Variants in LCT observed in about 807,000 individuals in gnomAD.
The protein encoded by LCT is lactase.
In LCT, 90 loss-of-function variants were observed where a neutral mutation model predicts 173.0. The ratio of observed to expected loss-of-function variants is 0.52; its 90% CI spans 0.44 to 0.62. The LOEUF (loss-of-function observed/expected upper bound fraction) is 0.62, where lower values mean the gene tolerates loss of function less well. Ranked by LOEUF, LCT falls within the 20% of genes least tolerant of loss-of-function variation. LCT has a pLI of 0.00. For synonymous variants in LCT, 853 were observed against 957.6 expected (o/e 0.89, Z 2.02); for missense variants, 1,864 against 2,431.4 (o/e 0.77, Z 4.91).
intron 3 of LCT, among the ~76,000 whole-genome samples, chr2:135,827,544 A>G (rs532900842): frequency 6.6e-6 from 1 of 152,080 alleles, no homozygotes; most frequent in Non-Finnish European, 1.5e-5. Context: ...CGTGGAAGAC[A>G]ATTTTTCCAC....
intron 11 of LCT, among the ~76,000 whole-genome samples, chr2:135,803,216 A>T (rs1184088090): frequency 2.6e-5 from 4 of 152,244 alleles, no homozygotes; most frequent in Non-Finnish European, 4.4e-5. Context: ...CAAAGAAATG[A>T]TGAATGTTTG....
In LCT at chr2:135,818,059, A is replaced by T; in HGVS notation, c.989T>A (p.Met330Lys). Reference sequence around the variant, plus strand: ...CAGGCTGCCAGTCAGAGAACAAGACATGCTGCAGGATTGAAGGGACAAAAA... The same window carrying T: ...CAGGCTGCCAGTCAGAGAACAAGACTTGCTGCAGGATTGAAGGGACAAAAA... ...LSCSSSSKKS[M>K]SCSLTGSLAL... The change falls in exon 6 of 17, where the codon ATG becomes AAG. Residue 330 changes from methionine to lysine, a missense_variant and splice_region_variant. Transcript: ENST00000264162. 2 of 1,613,256 alleles carry T rather than the reference A, an allele frequency of 1.2e-6. No homozygotes were observed. The highest frequency in any genetic ancestry group is 8.5e-7 in the Non-Finnish European group (1 of 1,180,016).
At chr2:135,821,983 T>C in intron 5 of LCT, 37 bp downstream of exon 5, 2 of 1,123,162 alleles carry the variant, frequency 1.8e-6, no homozygotes, top group Non-Finnish European at 1.4e-6. Context: ...TCTACAAATA[T>C]CAGTTATTGA....
At chr2:135,827,169 G>A (rs1192286761) in intron 3 of LCT, among the ~76,000 whole-genome samples, 1 of 152,102 alleles carries the variant, frequency 6.6e-6, no homozygotes, top group Non-Finnish European at 1.5e-5. Context: ...AGTAGAGACG[G>A]GGTTTCGCCA....
chr2:135,823,763 C>A, intron 4 of LCT, 138 bp downstream of exon 4: 1 of 714,716 alleles, frequency 1.4e-6, no homozygotes, highest in South Asian at 1.5e-5. Context: ...GTACACTAAC[C>A]CAGTCTGGGG....
At position 135,808,956 on chromosome 2, in the gene LCT, G is replaced by A. The variant is rs1468490275; in HGVS notation, c.3391C>T (p.Pro1131Ser). Residue 1131 changes from proline to serine, a missense_variant, in exon 8 of 17, where the codon CCC becomes TCC. Transcript: ENST00000264162. ...TCTCTGGGGACCCCTGGTGACTTGGGCTCTGCCCAGTGTGTACTGAGGCTC... is the reference window on the plus strand; with the variant it reads ...TCTCTGGGGACCCCTGGTGACTTGGACTCTGCCCAGTGTGTACTGAGGCTC... ...SLSLSTHWAE[P>S]KSPGVPRDVE... 1 of 1,613,972 alleles carries A rather than the reference G, an allele frequency of 6.2e-7. No homozygotes were observed. The highest frequency in any genetic ancestry group is 1.1e-5 in the South Asian group (1 of 91,060).
intron 12 of LCT, among the ~76,000 whole-genome samples, chr2:135,799,416 C>T (rs1326165871): frequency 2.0e-5 from 3 of 151,968 alleles, no homozygotes; most frequent in Non-Finnish European, 4.4e-5. Flanking sequence ...TCTTTTCCTT[C>T]TCTCCTCTTG....
Position 135,788,543 on chromosome 2 carries a change from A to ATCTAGGAGAGTGTGACACAGGGTGGT in LCT, c.5564-25_5564dup (p.Asp1855GlufsTer9). 1 of 1,594,460 alleles carries ATCTAGGAGAGTGTGACACAGGGTGGT rather than the reference A, an allele frequency of 6.3e-7. No homozygotes were observed. The highest frequency in any genetic ancestry group is 2.2e-4 in the Middle Eastern group (1 of 4,474). ...TCACGGGGCTGATGGTGGGTCCAGC[A>ATCTAGGAGAGTGTGACACAGGGTGGT]TCTAGGAGAGTGTGACACAGGGTGG... On this transcript the variant is annotated stop_gained and frameshift_variant and splice_region_variant, in exon 17 of 17. Coordinates refer to ENST00000264162, the MANE Select transcript of LCT (RefSeq NM_002299.4). LOFTEE classifies it low-confidence loss of function (END_TRUNC).
chr2:135,812,335 G>T lies in LCT; in HGVS notation c.2329C>A (p.Gln777Lys), dbSNP rs778525239. Reference sequence around the variant, plus strand: ...CCCTTGAGCACCTCATTGATATATTGATTGAAGTAGTCTACTCTTAAGGAA... The same window carrying T: ...CCCTTGAGCACCTCATTGATATATTTATTGAAGTAGTCTACTCTTAAGGAA... ...DDSLRVDYFNQYINEVLKAIK... is the reference protein window; with the variant it reads ...DDSLRVDYFNKYINEVLKAIK... Residue 777 changes from glutamine (Q) to lysine (K), a missense_variant, in exon 7 of 17, where the codon CAA becomes AAA. Physicochemically the swap from Gln to Lys is moderately conservative, Grantham distance 53. This residue lies in a region of LCT where 755 missense variants were observed against 926.3 expected (regional missense o/e 0.82). Transcript: ENST00000264162. 5 of 1,613,654 alleles carry T rather than the reference G, an allele frequency of 3.1e-6. No individual in the cohort carries two copies. The South Asian group carries it at 5.5e-5, about 18-fold the overall frequency.
In LCT at chr2:135,836,879, G is replaced by A. The variant is rs751958334; in HGVS notation, c.291C>T (p.Leu97=). The A allele has an allele frequency of 1.2e-6, 2 of 1,614,066 alleles. No individual in the cohort carries two copies. Among genetic ancestry groups the A allele is most frequent in the Non-Finnish European group, 1.7e-6 (2 of 1,180,046 alleles). ...YKVFLSWAQL[L]PAGSTQNPDE... ...CTGGATTCTGGGTGCTTCCTGCTGG[G>A]AGGAGCTGTGCCCATGACAGAAATA... The change falls in exon 1 of 17, where the codon CTC becomes CTT. Residue 97 remains leucine (L), a synonymous_variant. Coordinates refer to ENST00000264162, the MANE Select transcript of LCT (RefSeq NM_002299.4).
At position 135,817,586 on chromosome 2, in the gene LCT, C is replaced by T; in HGVS notation, c.1462G>A (p.Gly488Ser). The T allele has an allele frequency of 6.2e-7, 1 of 1,614,144 alleles. No homozygotes were observed. Among genetic ancestry groups the T allele is most frequent in the Non-Finnish European group, 8.5e-7 (1 of 1,180,032 alleles). ...NKLIDRLQDA[G>S]IEPMATLFHW... ...AACAGCGTGGCCATGGGCTCGATGC[C>T]CGCATCCTGTAGCCTGTCAATCAGC... The change falls in exon 6 of 17, where the codon GGC (glycine) becomes AGC (serine). Residue 488 changes from glycine to serine, a missense_variant. This residue lies in a region of LCT where 183 missense variants were observed against 293.1 expected (regional missense o/e 0.62). Transcript: ENST00000264162.
intron 7 of LCT, among the ~76,000 whole-genome samples, chr2:135,811,214 T>G: frequency 6.6e-6 from 1 of 151,764 alleles, no homozygotes; most frequent in Middle Eastern, 3.4e-3. Context: ...AAAATTAAAA[T>G]AAATAAATAA....
At position 135,809,942 on chromosome 2, in the gene LCT, A is replaced by G. The variant is rs149415638; in HGVS notation, c.2405T>C (p.Ile802Thr). ...DVRSYIARSL[I>T]DGFEGPSGYS... ...ACCAGAAGGGCCTTCGAAGCCATCA[A>G]TGAGGGAACGAGCAATGTAGGAACG... Residue 802 changes from isoleucine to threonine, a missense_variant, in exon 8 of 17, where the codon ATT (isoleucine) becomes ACT (threonine). This residue lies in a region of LCT where 755 missense variants were observed against 926.3 expected (regional missense o/e 0.82). Transcript: ENST00000264162. This position sits in a 1 kb window ranked among gnomAD's most constrained non-coding sequence, Gnocchi z 5.5. 1.4e-5 allele frequency: 23 copies of G among 1,614,080 alleles called. No individual in the cohort carries two copies. Among genetic ancestry groups the G allele is most frequent in the Non-Finnish European group, 1.9e-5 (23 of 1,180,030 alleles).
At chr2:135,796,152 G>A (rs2077580073) in intron 13 of LCT, among the ~76,000 whole-genome samples, 1 of 152,232 alleles carries the variant, frequency 6.6e-6, no homozygotes, top group African/African-American at 2.4e-5. Flanking sequence ...AGCATGTACA[G>A]GTGATCCTGA....
chr2:135,818,840 A>G (rs2077803895), intron 5 of LCT, among the ~76,000 whole-genome samples: 1 of 152,236 alleles, frequency 6.6e-6, no homozygotes, highest in Non-Finnish European at 1.5e-5. Context: ...TCCGTCTAAA[A>G]AAAGAAAAAG....
intron 13 of LCT, among the ~76,000 whole-genome samples, chr2:135,796,829 G>A (rs553857503): frequency 1.1e-4 from 17 of 152,256 alleles, no homozygotes; most frequent in East Asian, 9.6e-4. Context: ...TGGGCCGGGC[G>A]CTCATCGGTT....
At position 135,800,613 on chromosome 2, in the gene LCT, A is replaced by G. The variant is rs780224364; in HGVS notation, c.4860T>C (p.Tyr1620=). The part of the protein sequence containing the change: ...NQEDVEAARR[Y]VQFMGGWFAH... ...GCCCAGAGGAAAAACAGACCTGAAC[A>G]TATCTCCTGGCTGCCTCCACATCCT... Residue 1620 remains tyrosine, a synonymous_variant, in exon 12 of 17, where the codon TAT becomes TAC. Coordinates refer to ENST00000264162, the MANE Select transcript of LCT (RefSeq NM_002299.4). 1.2e-6 allele frequency: 2 copies of G among 1,611,750 alleles called. No individual in the cohort carries two copies. Among genetic ancestry groups the G allele is most frequent in the Non-Finnish European group, 8.5e-7 (1 of 1,179,552 alleles).
chr2:135,805,790 G>A (rs887923537), intron 9 of LCT, among the ~76,000 whole-genome samples: 8 of 152,182 alleles, frequency 5.3e-5, no homozygotes, highest in African/African-American at 1.9e-4. Context: ...CTAGTGCTTT[G>A]CAGCCATCAT....
chr2:135,807,997 G>A (rs1174166853), intron 8 of LCT, among the ~76,000 whole-genome samples: 1 of 149,622 alleles, frequency 6.7e-6, no homozygotes, highest in Non-Finnish European at 1.5e-5. Context: ...GGGCACGGTG[G>A]CCACTGCACT....
Sources: allele counts gnomAD v4.1 joint callset (sites outside exome capture counted in the v4.1 genomes callset), GRCh38; gene constraint gnomAD v4.1.1; regional missense constraint gnomAD v4.1.1; non-coding constraint Gnocchi (gnomAD v3.1); transcripts MANE v1.5; gene names NCBI Gene and HGNC (gene_info 2026-07-23, HGNC 2026-07-21).